GLS: variants seen among roughly 807,000 people sequenced by gnomAD.
The protein encoded by GLS is glutaminase kidney isoform, mitochondrial.
A neutral mutation model predicts 86.7 loss-of-function variants in GLS; 36 were observed. The ratio of observed to expected loss-of-function variants is 0.42; its 90% CI spans 0.32 to 0.55. GLS has a LOEUF of 0.55. Among genes scored for constraint, GLS ranks in the 20% least tolerant of loss-of-function variants. The pLI, the probability that GLS is intolerant of heterozygous loss-of-function variation, is 0.17. For missense variants in GLS, 528 were observed against 833.4 expected, an observed-to-expected ratio of 0.63 and a Z score of 4.51; for synonymous variants, 317 against 305.9, an observed-to-expected ratio of 1.04 and a Z score of -0.38.
intron 1 of GLS, among the ~76,000 whole-genome samples, chr2:190,894,026 T>A (rs527238312): frequency 2.7e-4 from 41 of 152,352 alleles, no homozygotes; most frequent in African/African-American, 9.6e-4. Context: ...TTTAAAAGTT[T>A]GGTTAATCAT....
intron 17 of GLS, among the ~76,000 whole-genome samples, chr2:190,957,737 T>A (rs1351787554): frequency 4.6e-5 from 7 of 152,222 alleles, no homozygotes; most frequent in African/African-American, 1.7e-4. Flanking sequence ...TGAACCAGCC[T>A]TGCATCCCAG....
rs1690348374 is a variant in GLS, at chr2:190,938,868, TGTTAAA to T, written c.1650+7236_1650+7241del. 6.6e-6 allele frequency among the ~76,000 whole-genome samples: 1 copy of T among 151,740 alleles called. No individual in the cohort carries two copies. Among genetic ancestry groups the T allele is most frequent in the Non-Finnish European group, 1.5e-5 (1 of 67,670 alleles). On this transcript the variant is annotated intron_variant, in intron 14 of 17. Transcript: ENST00000320717. This position sits in a 1 kb window ranked among gnomAD's most constrained non-coding sequence, Gnocchi z 4.1. The stretch of plus-strand genomic sequence containing the variant: ...AAAAATTAGTAAAGTTAGAAGTAAA[TGTTAAA>T]GTTACACAGTAGTTCTAAAAATAAA...
At position 190,962,817 on chromosome 2, in the gene GLS, GCT is replaced by G; in HGVS notation, c.1854-12_1854-11del. Reference sequence around the variant, plus strand: ...TACCTAATGACCCTGTCCATGCTGTGCTACGTGTTTAGGTGGAATAACACTCC... The same window carrying G: ...TACCTAATGACCCTGTCCATGCTGTGACGTGTTTAGGTGGAATAACACTCC... On this transcript the variant is annotated splice_polypyrimidine_tract_variant and intron_variant, in intron 17 of 17. Coordinates refer to ENST00000320717, the MANE Select transcript of GLS (RefSeq NM_014905.5). This position sits in a 1 kb window ranked among gnomAD's most constrained non-coding sequence, Gnocchi z 4.2. 1 of 1,492,476 alleles carries G rather than the reference GCT, an allele frequency of 6.7e-7. No homozygotes were observed. The highest frequency in any genetic ancestry group is 1.4e-5 in the African/African-American group (1 of 70,902). 92.5% of individuals were successfully genotyped at this position (1,492,476 alleles called of 1,614,324 possible).
At position 190,935,562 on chromosome 2, in the gene GLS, TTC is replaced by T. The variant is rs1441813158; in HGVS notation, c.1650+3930_1650+3931del. Among the ~76,000 whole-genome samples, 1 of 151,272 alleles carries T rather than the reference TTC, an allele frequency of 6.6e-6. No individual in the cohort carries two copies. The highest frequency in any genetic ancestry group is 2.4e-5 in the African/African-American group (1 of 41,404). Reference sequence around the variant, plus strand: ...ACTAGAAGTATTTGAATAAAAACTTTTCTCTCAATTTTTTTGGTGGTTTTTCC... The same window carrying T: ...ACTAGAAGTATTTGAATAAAAACTTTTCTCAATTTTTTTGGTGGTTTTTCC... On this transcript the variant is annotated intron_variant, in intron 14 of 17. Coordinates refer to ENST00000320717, the MANE Select transcript of GLS (RefSeq NM_014905.5). This position sits in a 1 kb window ranked among gnomAD's most constrained non-coding sequence, Gnocchi z 4.2.
intron 7 of GLS, among the ~76,000 whole-genome samples, chr2:190,912,395 A>G (rs967959815): frequency 6.7e-6 from 1 of 150,162 alleles, no homozygotes; most frequent in Non-Finnish European, 1.5e-5. Context: ...TGGAGAGCAA[A>G]GCCTGATATA....
chr2:190,913,705 A>G lies in GLS; in HGVS notation c.1038+3384A>G. Reference sequence around the variant, plus strand: ...TAAGGGTTAGGATAGGAAAATGAGGACAACATACTGCAAAATAATTGCCAC... The same window carrying G: ...TAAGGGTTAGGATAGGAAAATGAGGGCAACATACTGCAAAATAATTGCCAC... On this transcript the variant is annotated intron_variant, in intron 7 of 17. Coordinates refer to ENST00000320717, the MANE Select transcript of GLS (RefSeq NM_014905.5). The surrounding 1 kb of genome is among the most constrained non-coding windows in gnomAD (Gnocchi z 6.1). 5.1e-6 allele frequency: 5 copies of G among 972,068 alleles called. No individual in the cohort carries two copies. Among genetic ancestry groups the G allele is most frequent in the Non-Finnish European group, 6.1e-6 (5 of 817,712 alleles). 60.2% of individuals were successfully genotyped at this position (972,068 alleles called of 1,614,324 possible). A position where few individuals can be genotyped will look rare whatever the true frequency, so the allele number is the denominator to read the frequency against.
chr2:190,904,642 A>G (rs959374481), intron 5 of GLS, among the ~76,000 whole-genome samples: 1 of 152,160 alleles, frequency 6.6e-6, no homozygotes, highest in African/African-American at 2.4e-5. Context: ...ATTATTCCCT[A>G]AATAATACAG....
intron 14 of GLS, among the ~76,000 whole-genome samples, chr2:190,937,840 GTTT>G (rs1197759246): frequency 7.8e-6 from 1 of 128,398 alleles, no homozygotes; most frequent in Admixed American, 8.2e-5. Flanking sequence ...GAATCTGTGG[GTTT>G]TTTTTTTTTT....
chr2:190,951,932 T>C lies in GLS; in HGVS notation c.1651-1633T>C, dbSNP rs957170138. On this transcript the variant is annotated intron_variant, in intron 14 of 17. Coordinates refer to ENST00000320717, the MANE Select transcript of GLS (RefSeq NM_014905.5). This position sits in a 1 kb window ranked among gnomAD's most constrained non-coding sequence, Gnocchi z 4.2. ...TTTAAACAAAATTATGGGCTGAGCA[T>C]GTTGGCTCATGCCTGTAATCCCAAC... 6.6e-6 allele frequency among the ~76,000 whole-genome samples: 1 copy of C among 152,222 alleles called. No homozygotes were observed.
At chr2:190,926,014 T>C (rs1689884286) in intron 11 of GLS, among the ~76,000 whole-genome samples, 1 of 152,214 alleles carries the variant, frequency 6.6e-6, no homozygotes, top group East Asian at 1.9e-4. Context: ...ATTTGGCTGT[T>C]ATAGAATCTA....
At chr2:190,957,081 T>C (rs1264369061) in intron 17 of GLS, among the ~76,000 whole-genome samples, 1 of 150,226 alleles carries the variant, frequency 6.7e-6, no homozygotes, top group Non-Finnish European at 1.5e-5. Context: ...CTCTTCCTAT[T>C]TGAATACCTT....
At chr2:190,925,868 G>A (rs141067802) in intron 11 of GLS, among the ~76,000 whole-genome samples, 8 of 152,214 alleles carry the variant, frequency 5.3e-5, no homozygotes, top group Non-Finnish European at 7.4e-5. Flanking sequence ...TAGTATATGC[G>A]TCACCTGCCT....
intron 1 of GLS, among the ~76,000 whole-genome samples, chr2:190,894,292 C>A (rs80258710): frequency 6.6e-6 from 1 of 152,114 alleles, no homozygotes; most frequent in East Asian, 1.9e-4. Context: ...ACTTATAATA[C>A]CTAATAAAAT....
chr2:190,936,314 T>G (rs1476501034), intron 14 of GLS, among the ~76,000 whole-genome samples: 1 of 151,150 alleles, frequency 6.6e-6, no homozygotes, highest in Non-Finnish European at 1.5e-5. Context: ...TGATAATTTA[T>G]ATATAATGTG....
intron 17 of GLS, among the ~76,000 whole-genome samples, chr2:190,961,293 G>T (rs1172491254): frequency 6.6e-6 from 1 of 152,156 alleles, no homozygotes; most frequent in Non-Finnish European, 1.5e-5. Flanking sequence ...TGCCTCCCAG[G>T]TTCAGGCAAT....
rs57991546 is a variant in GLS, at chr2:190,953,950, ATGTGTGTGTGTGTGTGTGTGTG to A, written c.1712+349_1712+370del. ...CTACCCTCCATTCCCAATCTTTGAT[ATGTGTGTGTGTGTGTGTGTGTG>A]TGTGTGTGTGTGTGTGTGTGTGTGA... On this transcript the variant is annotated intron_variant, in intron 15 of 17. Transcript: ENST00000320717. The surrounding 1 kb of genome is among the most constrained non-coding windows in gnomAD (Gnocchi z 4.0). Among the ~76,000 whole-genome samples the A allele has an allele frequency of 1.2e-4, 16 of 136,768 alleles. No homozygotes were observed. The East Asian group carries it at 1.8e-3, about 15-fold the overall frequency. The allele number at this position is 136,768 out of a possible 152,430, so 89.7% of individuals were successfully genotyped here.
chr2:190,886,903 G>A lies in GLS; in HGVS notation c.386+5433G>A, dbSNP rs147186464. 5.5e-3 allele frequency among the ~76,000 whole-genome samples: 743 copies of A among 135,094 alleles called. 8 individuals carry two copies. The highest frequency in any genetic ancestry group is 0.018 in the African/African-American group (655 of 35,560). 88.6% of individuals were successfully genotyped at this position (135,094 alleles called of 152,430 possible). A position where few individuals can be genotyped will look rare whatever the true frequency, so the allele number is the denominator to read the frequency against. ...TGCACTCCAGCCTGGGTGACAGAGC[G>A]AGACTCTTGTCTCAAAAAAAAAAAA... On this transcript the variant is annotated intron_variant, in intron 1 of 17. Transcript: ENST00000320717.
Position 190,932,887 on chromosome 2 carries a change from G to T in GLS, c.1650+1250G>T. On this transcript the variant is annotated intron_variant, in intron 14 of 17. Coordinates refer to ENST00000320717, the MANE Select transcript of GLS (RefSeq NM_014905.5). The stretch of plus-strand genomic sequence containing the variant: ...AAGAAATGGGTTCTAGTTTCAGAAT[G>T]TTTCTTCATTTAATCTTTCAAACAT... 9 of 1,434,668 alleles carry T rather than the reference G, an allele frequency of 6.3e-6. No individual in the cohort carries two copies. In the East Asian group the frequency reaches 7.9e-5, roughly 13 times the overall value. The allele number at this position is 1,434,668 out of a possible 1,614,324, so 88.9% of individuals were successfully genotyped here.
At chr2:190,942,066 A>AATT (rs1160472609) in intron 14 of GLS, among the ~76,000 whole-genome samples, 1 of 50,734 alleles carries the variant, frequency 2.0e-5, no homozygotes, top group Non-Finnish European at 5.4e-5. Flanking sequence ...AACTTTGAAG[A>AATT]CTTTTTTTTT....
Sources: allele counts gnomAD v4.1 joint callset (sites outside exome capture counted in the v4.1 genomes callset), GRCh38; gene constraint gnomAD v4.1.1; non-coding constraint Gnocchi (gnomAD v3.1); transcripts MANE v1.5; gene names NCBI Gene and HGNC (gene_info 2026-07-23, HGNC 2026-07-21).